Variants in PKN2 observed in about 807,000 individuals in gnomAD.
PKN2 encodes the protein protein kinase N2.
PKN2 carries 38 observed loss-of-function variants against 119.1 expected under a neutral mutation model. The ratio of observed to expected loss-of-function variants is 0.32; its 90% CI spans 0.25 to 0.42. PKN2 has a LOEUF of 0.42. PKN2 is among the 10% of genes least tolerant of loss of function. The pLI, the probability that PKN2 is intolerant of heterozygous loss-of-function variation, is 1.00. For missense variants in PKN2, 850 were observed against 1,165.1 expected (o/e 0.73, Z 3.94); for synonymous variants, 390 against 384.9 (o/e 1.01, Z -0.15).
At chr1:88,782,574 A>G (rs1476276224) in intron 6 of PKN2, among the ~76,000 whole-genome samples, 1 of 152,046 alleles carries the variant, frequency 6.6e-6, no homozygotes, top group African/African-American at 2.4e-5. Flanking sequence ...CAAGGACACT[A>G]ATCTTTTCTT....
At chr1:88,810,713 T>A (rs558129227) in intron 15 of PKN2, among the ~76,000 whole-genome samples, 2 of 152,066 alleles carry the variant, frequency 1.3e-5, no homozygotes, top group Non-Finnish European at 2.9e-5. Context: ...TTCAAGCGAT[T>A]CTCCTTCCTT....
chr1:88,786,033 T>A (rs899623317), intron 7 of PKN2, 71 bp from the exon 8 acceptor site: 2 of 848,304 alleles, frequency 2.4e-6, no homozygotes, highest in Non-Finnish European at 3.9e-6. Flanking sequence ...TTATTGCTAA[T>A]CAAACAGCAG....
intron 1 of PKN2, among the ~76,000 whole-genome samples, chr1:88,693,906 T>A (rs575427581): frequency 1.3e-5 from 2 of 152,338 alleles, no homozygotes; most frequent in Admixed American, 1.3e-4. Context: ...CCAAGTTTGC[T>A]CCTAAGAATC....
At chr1:88,720,448 GT>G (rs1667628958) in intron 1 of PKN2, among the ~76,000 whole-genome samples, 1 of 152,116 alleles carries the variant, frequency 6.6e-6, no homozygotes, top group South Asian at 2.1e-4. Flanking sequence ...CTCCATGTCT[GT>G]TTGTCTCTAT....
chr1:88,740,904 C>G, intron 1 of PKN2, 84 bp from the exon 2 acceptor site: 2 of 793,814 alleles, frequency 2.5e-6, no homozygotes, highest in Non-Finnish European at 2.0e-6. Flanking sequence ...TCAAGAAAGA[C>G]TCTCTTAGGC....
At chr1:88,764,842 T>G (rs936551743) in intron 3 of PKN2, among the ~76,000 whole-genome samples, 3 of 152,228 alleles carry the variant, frequency 2.0e-5, no homozygotes, top group African/African-American at 7.2e-5. Context: ...GTTTTTGTTT[T>G]GTCCTTTGGA....
Position 88,742,998 on chromosome 1 carries a change from C to A in PKN2, c.349+1710C>A, listed in dbSNP as rs147875028. Among the ~76,000 whole-genome samples the A allele has an allele frequency of 4.4e-3, 670 of 152,270 alleles. 12 individuals are homozygous for A. In the East Asian group the frequency reaches 0.048, roughly 11 times the overall value. ...TTGAGGCCAGGAGTTCAAGACTAAC[C>A]TGGCCAACATGGTGAAAACCTGTCT... On this transcript the variant is annotated intron_variant, in intron 2 of 21. Transcript: ENST00000370521.
chr1:88,714,058 T>G (rs954592472), intron 1 of PKN2, among the ~76,000 whole-genome samples: 3 of 152,362 alleles, frequency 2.0e-5, no homozygotes, highest in Middle Eastern at 3.4e-3. Context: ...CCATTTCTTG[T>G]TTCTGTCTGG....
chr1:88,788,890 T>C (rs1201939744), intron 8 of PKN2, among the ~76,000 whole-genome samples: 3 of 152,210 alleles, frequency 2.0e-5, no homozygotes, highest in Non-Finnish European at 4.4e-5. Flanking sequence ...AAAAGCTTAA[T>C]GAAGCTCCCA....
intron 15 of PKN2, among the ~76,000 whole-genome samples, chr1:88,809,036 A>G (rs1278566265): frequency 6.6e-6 from 1 of 151,992 alleles, no homozygotes; most frequent in Non-Finnish European, 1.5e-5. Context: ...GTTTTTTTCC[A>G]CCATATGGGT....
At chr1:88,832,678 T>C (rs889226597) in intron 19 of PKN2, 66 bp from the exon 20 acceptor site, 20 of 804,470 alleles carry the variant, frequency 2.5e-5, no homozygotes, top group Non-Finnish European at 3.9e-5. Flanking sequence ...GGTTGTACTT[T>C]GAATGGGTGA....
chr1:88,829,189 T>G (rs1355899405), intron 19 of PKN2: 33 of 739,122 alleles, frequency 4.5e-5, no homozygotes, highest in Non-Finnish European at 1.0e-5. Flanking sequence ...GGCCATGAAT[T>G]TATTGTAAAA....
intron 15 of PKN2, among the ~76,000 whole-genome samples, chr1:88,810,108 G>GT (rs1169538839): frequency 6.0e-5 from 9 of 151,086 alleles, no homozygotes; most frequent in Admixed American, 1.3e-4. Context: ...AAATTTATAA[G>GT]TTTTTTTTTA....
rs11801031 is a variant in PKN2, at chr1:88,809,668, C to G, written c.2102+1893C>G. ...ACAGGGTCTCACTGTGTCACCCACACTGGAGTGCAGTAGCATGATCCTAGT... is the reference window on the plus strand; with the variant it reads ...ACAGGGTCTCACTGTGTCACCCACAGTGGAGTGCAGTAGCATGATCCTAGT... On this transcript the variant is annotated intron_variant, in intron 15 of 21. Coordinates refer to ENST00000370521, the MANE Select transcript of PKN2 (RefSeq NM_006256.4). Among the ~76,000 whole-genome samples, 373 of 152,302 alleles carry G rather than the reference C, an allele frequency of 2.4e-3. 1 individual carries two copies. The highest frequency in any genetic ancestry group is 8.7e-3 in the African/African-American group (361 of 41,572).
chr1:88,812,983 CTA>C, intron 15 of PKN2, among the ~76,000 whole-genome samples: 1 of 152,192 alleles, frequency 6.6e-6, no homozygotes, highest in Non-Finnish European at 1.5e-5. Context: ...TTTTAATCTT[CTA>C]TGAGTTTATT....
intron 6 of PKN2, among the ~76,000 whole-genome samples, 196 bp downstream of exon 6, chr1:88,772,075 A>AGTT (rs1669918393): frequency 6.6e-6 from 1 of 152,224 alleles, no homozygotes; most frequent in Admixed American, 6.5e-5. Context: ...TTGTGTGACC[A>AGTT]TCACCACTAC....
intron 3 of PKN2, among the ~76,000 whole-genome samples, chr1:88,760,687 T>G (rs1281319173): frequency 6.6e-6 from 1 of 152,220 alleles, no homozygotes; most frequent in Non-Finnish European, 1.5e-5. Flanking sequence ...GTAATTTCAC[T>G]GTTTAAACAC....
intron 16 of PKN2, among the ~76,000 whole-genome samples, chr1:88,819,026 A>G (rs551864397): frequency 6.7e-6 from 1 of 148,880 alleles, no homozygotes; most frequent in Non-Finnish European, 1.5e-5. Context: ...TATAAAAGTT[A>G]ACTCAAGATG....
chr1:88,711,193 C>G (rs1013800884), intron 1 of PKN2, among the ~76,000 whole-genome samples: 2 of 151,950 alleles, frequency 1.3e-5, no homozygotes, highest in South Asian at 4.1e-4. Context: ...CTAATGAGTA[C>G]TAGGCTTAAT....
Sources: allele counts gnomAD v4.1 joint callset (sites outside exome capture counted in the v4.1 genomes callset), GRCh38; gene constraint gnomAD v4.1.1; transcripts MANE v1.5; gene names NCBI Gene and HGNC (gene_info 2026-07-23, HGNC 2026-07-21).